UBE2R2: variants seen among roughly 807,000 people sequenced by gnomAD.
UBE2R2 encodes the protein ubiquitin-conjugating enzyme E2 R2.
Under a neutral mutation model 27.8 loss-of-function variants are expected in UBE2R2, and 1 was observed. The observed-to-expected ratio is 0.04, with a 90% CI of 0.01 to 0.17. The LOEUF (loss-of-function observed/expected upper bound fraction) is 0.17, where lower values mean the gene tolerates loss of function less well. Among genes scored for constraint, UBE2R2 ranks in the 10% least tolerant of loss-of-function variants. The pLI is 1.00. For missense variants in UBE2R2, 100 were observed against 291.0 expected, an observed-to-expected ratio of 0.34 and a Z score of 4.78; for synonymous variants, 106 against 113.3, an observed-to-expected ratio of 0.94 and a Z score of 0.41.
chr9:33,839,736 C>G (rs1452918093), intron 1 of UBE2R2, among the ~76,000 whole-genome samples: 1 of 152,134 alleles, frequency 6.6e-6, no homozygotes, highest in Non-Finnish European at 1.5e-5. Context: ...TGGCTCATGC[C>G]TATAATCCTA....
Position 33,917,094 on chromosome 9 carries a change from A to T in UBE2R2, c.574A>T (p.Ile192Phe). 2.5e-6 allele frequency: 4 copies of T among 1,614,270 alleles called. No individual in the cohort carries two copies. Among genetic ancestry groups the T allele is most frequent in the Non-Finnish European group, 3.4e-6 (4 of 1,180,048 alleles). Residue 192 changes from isoleucine to phenylalanine, a missense_variant, in exon 5 of 5, where the codon ATC becomes TTC. Ile to Phe is a conservative substitution (Grantham distance 21). This residue lies in a region of UBE2R2 where 55 missense variants were observed against 122.6 expected (regional missense o/e 0.45). Coordinates refer to ENST00000263228, the MANE Select transcript of UBE2R2 (RefSeq NM_017811.4). ...KVPTTLAEYC[I>F]KTKVPSNDNS... Reference sequence around the variant, plus strand: ...CCCCACAACCCTGGCGGAATACTGCATCAAAACTAAAGTGCCTTCCAATGA... The same window carrying T: ...CCCCACAACCCTGGCGGAATACTGCTTCAAAACTAAAGTGCCTTCCAATGA...
At chr9:33,842,453 AT>A (rs554784637) in intron 1 of UBE2R2, among the ~76,000 whole-genome samples, 15 of 150,480 alleles carry the variant, frequency 1.0e-4, no homozygotes, top group Admixed American at 2.0e-4. Flanking sequence ...AATAATTGAA[AT>A]TTTTTTTTTG....
At chr9:33,855,938 GC>G (rs1821091141) in intron 1 of UBE2R2, among the ~76,000 whole-genome samples, 1 of 152,180 alleles carries the variant, frequency 6.6e-6, no homozygotes, top group South Asian at 2.1e-4. Context: ...TGTGCCTGCA[GC>G]CCTAGCTGCT....
rs139188948 is a variant in UBE2R2 at position 33,849,771 on chromosome 9, G to A, written c.177+31837G>A. 6.1e-3 allele frequency among the ~76,000 whole-genome samples: 922 copies of A among 151,792 alleles called. 7 individuals carry two copies. The highest frequency in any genetic ancestry group is 0.021 in the African/African-American group (870 of 41,384). On this transcript the variant is annotated intron_variant, in intron 1 of 4. Transcript: ENST00000263228. ...GCCTAGGAGGCTGACATGGGAGGGT[G>A]ACTTGAGCCCAAGAGGTGGAGGTTG...
chr9:33,915,959 A>C (rs530005393), intron 4 of UBE2R2, among the ~76,000 whole-genome samples: 1 of 152,254 alleles, frequency 6.6e-6, no homozygotes, highest in East Asian at 1.9e-4. Flanking sequence ...GGGAAGAGCA[A>C]CTGGTCCAGA....
intron 1 of UBE2R2, among the ~76,000 whole-genome samples, chr9:33,850,512 C>T (rs1289941222): frequency 6.6e-6 from 1 of 152,026 alleles, no homozygotes; most frequent in East Asian, 1.9e-4. Context: ...TGGTTTGATG[C>T]CCTCTGCAAT....
intron 1 of UBE2R2, among the ~76,000 whole-genome samples, chr9:33,829,047 T>C (rs544832706): frequency 2.0e-4 from 30 of 152,210 alleles, no homozygotes; most frequent in South Asian, 1.0e-3. Flanking sequence ...ATTTTTGTAT[T>C]TTTAGTAGAG....
At position 33,918,231 on chromosome 9, in the gene UBE2R2, G is replaced by GTT. The variant is rs1249618254; in HGVS notation, c.*997_*998dup. The stretch of plus-strand genomic sequence containing the variant: ...ATCAAAAATACACTCGTACCATGAC[G>GTT]TTTTGTTTTTGTTTTTTAAGTAGCC... On this transcript the variant is annotated 3_prime_UTR_variant, in exon 5 of 5. Transcript: ENST00000263228. The GTT allele has an allele frequency of 6.6e-6, 1 of 151,992 alleles. No individual in the cohort carries two copies. The highest frequency in any genetic ancestry group is 1.5e-5 in the Non-Finnish European group (1 of 68,016). The allele number at this position is 151,992 out of a possible 1,614,324, so 9.4% of individuals were successfully genotyped here.
chr9:33,864,810 C>T lies in UBE2R2; in HGVS notation c.178-22071C>T, dbSNP rs551718501. Among the ~76,000 whole-genome samples, 9 of 151,760 alleles carry T rather than the reference C, an allele frequency of 5.9e-5. No homozygotes were observed. In the East Asian group the frequency reaches 1.6e-3, roughly 26 times the overall value. ...CGTGATCTTGGCTCACTGCAACCTCCGCCTCCTGGGTTCAAGCAATTCTCC... is the reference window on the plus strand; with the variant it reads ...CGTGATCTTGGCTCACTGCAACCTCTGCCTCCTGGGTTCAAGCAATTCTCC... On this transcript the variant is annotated intron_variant, in intron 1 of 4. Coordinates refer to ENST00000263228, the MANE Select transcript of UBE2R2 (RefSeq NM_017811.4).
intron 2 of UBE2R2, among the ~76,000 whole-genome samples, chr9:33,887,646 T>G (rs539211165): frequency 4.3e-4 from 64 of 150,246 alleles, no homozygotes; most frequent in Middle Eastern, 3.4e-3. Context: ...AAGTGTGCTT[T>G]TTTGTTTGTT....
At chr9:33,904,483 T>A (rs1353636249) in intron 3 of UBE2R2, among the ~76,000 whole-genome samples, 1 of 152,198 alleles carries the variant, frequency 6.6e-6, no homozygotes, top group Non-Finnish European at 1.5e-5. Context: ...GGTTTTCTTC[T>A]CCATAACCAC....
chr9:33,848,536 C>A (rs1331770703), intron 1 of UBE2R2, among the ~76,000 whole-genome samples: 1 of 152,072 alleles, frequency 6.6e-6, no homozygotes, highest in Admixed American at 6.6e-5. Flanking sequence ...TAGTATATCA[C>A]CTCAGTTTCA....
chr9:33,820,467 T>G (rs372804633), intron 1 of UBE2R2, among the ~76,000 whole-genome samples: 48 of 152,350 alleles, frequency 3.2e-4, no homozygotes, highest in African/African-American at 1.1e-3. Context: ...TTTATCCCAT[T>G]AGTTGTTCAT....
intron 1 of UBE2R2, among the ~76,000 whole-genome samples, chr9:33,824,543 G>A (rs1050575932): frequency 6.6e-6 from 1 of 152,006 alleles, no homozygotes; most frequent in Non-Finnish European, 1.5e-5. Flanking sequence ...GGAGGCTGAG[G>A]CAGGAGAATG....
intron 1 of UBE2R2, among the ~76,000 whole-genome samples, chr9:33,879,377 A>G (rs1285581845): frequency 1.3e-5 from 2 of 152,190 alleles, no homozygotes; most frequent in Admixed American, 1.3e-4. Context: ...ACCTTTTATT[A>G]TATTGGTGCA....
chr9:33,865,352 A>G (rs1368079933), intron 1 of UBE2R2, among the ~76,000 whole-genome samples: 4 of 151,510 alleles, frequency 2.6e-5, no homozygotes, highest in African/African-American at 9.7e-5. Flanking sequence ...GTGCACCACC[A>G]TGCCCGGCTA....
chr9:33,883,961 G>A (rs1023738415), intron 1 of UBE2R2, among the ~76,000 whole-genome samples: 18 of 152,016 alleles, frequency 1.2e-4, no homozygotes, highest in Admixed American at 2.6e-4. Flanking sequence ...CCAGGAGTTC[G>A]AGACCCAGCC....
intron 1 of UBE2R2, among the ~76,000 whole-genome samples, chr9:33,863,961 C>T (rs528801309): frequency 1.6e-4 from 24 of 152,162 alleles, no homozygotes; most frequent in South Asian, 4.2e-4. Context: ...GCTGGGATTA[C>T]GGGCATGTAC....
chr9:33,893,904 T>TA lies in UBE2R2; in HGVS notation c.265-6269dup, dbSNP rs1379871955. ...GCCTTGGCCTCCCAAATGCTGGGAT[T>TA]ACAGGTGTGAGCCACTGTGCCCAGC... is the stretch of plus-strand genomic sequence containing the variant. On this transcript the variant is annotated intron_variant, in intron 2 of 4. Transcript: ENST00000263228. Among the ~76,000 whole-genome samples the TA allele has an allele frequency of 2.6e-5, 4 of 152,324 alleles. No homozygotes were observed. In the East Asian group the frequency reaches 7.7e-4, roughly 29 times the overall value.
Sources: allele counts gnomAD v4.1 joint callset (sites outside exome capture counted in the v4.1 genomes callset), GRCh38; gene constraint gnomAD v4.1.1; regional missense constraint gnomAD v4.1.1; transcripts MANE v1.5; gene names NCBI Gene and HGNC (gene_info 2026-07-23, HGNC 2026-07-21).